FER: variants seen among roughly 807,000 people sequenced by gnomAD.
FER encodes FER tyrosine kinase, also known as tyrosine-protein kinase Fer.
Under a neutral mutation model 111.0 loss-of-function variants are expected in FER, and 63 were observed. The observed-to-expected ratio is 0.57, with a 90% CI of 0.46 to 0.70. The LOEUF is 0.70. Among genes scored for constraint, FER ranks in the 30% least tolerant of loss-of-function variants. The probability of loss-of-function intolerance (pLI) is 0.00; values close to 1 mark genes in which losing one functional copy is unlikely to be tolerated. For missense variants in FER, 914 were observed against 954.0 expected (o/e 0.96, Z 0.55); for synonymous variants, 327 against 313.9 (o/e 1.04, Z -0.44).
intron 9 of FER, among the ~76,000 whole-genome samples, chr5:108,888,675 G>T (rs913959914): frequency 2.0e-5 from 3 of 151,674 alleles, no homozygotes; most frequent in Non-Finnish European, 2.9e-5. Flanking sequence ...TTGCTCAATG[G>T]TATTATAAAC....
chr5:109,009,396 A>G (rs1288106233), intron 13 of FER, among the ~76,000 whole-genome samples: 1 of 152,008 alleles, frequency 6.6e-6, no homozygotes, highest in East Asian at 1.9e-4. Flanking sequence ...AGCATAATAT[A>G]TCTTACTTTG....
At chr5:108,982,045 T>C (rs556156559) in intron 13 of FER, among the ~76,000 whole-genome samples, 1 of 152,136 alleles carries the variant, frequency 6.6e-6, no homozygotes, top group Non-Finnish European at 1.5e-5. Flanking sequence ...AGACCAGAGG[T>C]TTTGAAAGCG....
At chr5:108,978,983 T>C (rs1030059520) in intron 13 of FER, among the ~76,000 whole-genome samples, 13 of 152,212 alleles carry the variant, frequency 8.5e-5, no homozygotes, top group Non-Finnish European at 2.9e-5. Flanking sequence ...AATTATTGTT[T>C]AATGATTCAG....
chr5:109,165,934 A>G (rs945690404), intron 17 of FER, among the ~76,000 whole-genome samples: 1 of 152,102 alleles, frequency 6.6e-6, no homozygotes, highest in Non-Finnish European at 1.5e-5. Flanking sequence ...TCCTCTGTCT[A>G]ATTGGAGTTA....
chr5:108,780,910 A>G (rs943841825), intron 2 of FER, among the ~76,000 whole-genome samples: 2 of 151,716 alleles, frequency 1.3e-5, no homozygotes, highest in African/African-American at 4.8e-5. Context: ...AGCTGTGTCC[A>G]GTCTACTAGA....
chr5:109,120,026 C>T (rs1561919267), intron 17 of FER, among the ~76,000 whole-genome samples: 3 of 152,014 alleles, frequency 2.0e-5, no homozygotes, highest in African/African-American at 7.2e-5. Context: ...TAGTTATTAA[C>T]CCCTTCTCAG....
At chr5:108,961,095 AG>A (rs1759087427) in intron 13 of FER, among the ~76,000 whole-genome samples, 1 of 151,958 alleles carries the variant, frequency 6.6e-6, no homozygotes, top group Non-Finnish European at 1.5e-5. Context: ...CTCTAAATAA[AG>A]TGTTTTGTAT....
In FER at chr5:109,119,902, T is replaced by G. The variant is rs376166897; in HGVS notation, c.2048+19383T>G. Among the ~76,000 whole-genome samples, 9 of 152,262 alleles carry G rather than the reference T, an allele frequency of 5.9e-5. No individual in the cohort carries two copies. The East Asian group carries it at 1.7e-3, about 29-fold the overall frequency. On this transcript the variant is annotated intron_variant, in intron 17 of 19. Coordinates refer to ENST00000281092, the MANE Select transcript of FER (RefSeq NM_005246.4). ...GTTGAGCACCTTTTCATATGCCTAT[T>G]TGCCATTTTTATGTCTTCTTTTGAG...
At chr5:108,942,991 T>C (rs1756480515) in intron 10 of FER, among the ~76,000 whole-genome samples, 2 of 152,302 alleles carry the variant, frequency 1.3e-5, no homozygotes, top group African/African-American at 4.8e-5. Flanking sequence ...CATTGTTCTG[T>C]CCAAGAATGT....
intron 13 of FER, among the ~76,000 whole-genome samples, chr5:109,000,431 G>A (rs4404726): frequency 1.1e-3 from 160 of 151,524 alleles, no homozygotes; most frequent in African/African-American, 3.7e-3. Flanking sequence ...AATATTTATC[G>A]CTAAAGATGT....
chr5:109,097,327 C>G (rs1747664337), intron 16 of FER, among the ~76,000 whole-genome samples: 1 of 151,756 alleles, frequency 6.6e-6, no homozygotes, highest in African/African-American at 2.4e-5. Flanking sequence ...AGGAAATAAC[C>G]TATCCCATTT....
chr5:109,151,105 C>T (rs549744900), intron 17 of FER, among the ~76,000 whole-genome samples: 145 of 152,142 alleles, frequency 9.5e-4, no homozygotes, highest in South Asian at 6.6e-3. Flanking sequence ...TGTTGTAATT[C>T]GCTGAATGAT....
intron 16 of FER, among the ~76,000 whole-genome samples, chr5:109,074,612 C>A (rs935752922): frequency 9.9e-5 from 15 of 152,198 alleles, no homozygotes; most frequent in Admixed American, 2.0e-4. Context: ...TTACAGCTAT[C>A]TCTTGGAGCA....
chr5:109,066,045 T>C (rs550763923), intron 16 of FER, among the ~76,000 whole-genome samples: 1 of 152,208 alleles, frequency 6.6e-6, no homozygotes, highest in Non-Finnish European at 1.5e-5. Flanking sequence ...TTCTATAGCG[T>C]CTTTAACTTT....
intron 11 of FER, among the ~76,000 whole-genome samples, chr5:108,953,835 T>G (rs1053706157): frequency 1.3e-5 from 2 of 152,066 alleles, no homozygotes; most frequent in African/African-American, 4.8e-5. Flanking sequence ...TTACTGTACC[T>G]TAACCGCAAA....
chr5:109,012,248 A>G (rs58834152), intron 13 of FER, among the ~76,000 whole-genome samples: 9,106 of 152,270 alleles, frequency 0.06, 646 homozygotes, highest in African/African-American at 0.17. Flanking sequence ...TCATGATTAC[A>G]CTAAGATAAT....
chr5:108,789,554 A>G (rs1223511861), intron 2 of FER, among the ~76,000 whole-genome samples: 6 of 152,252 alleles, frequency 3.9e-5, no homozygotes, highest in East Asian at 1.9e-4. Flanking sequence ...AATAACAACA[A>G]CAAAAACCCA....
At position 108,776,589 on chromosome 5, in the gene FER, C is replaced by T. The variant is rs372875207; in HGVS notation, c.-60+8351C>T. ...AGAAATACTGTGGGAATCCGATTAT[C>T]CTTCCAAGGAAACTAGTTATCTGTT... On this transcript the variant is annotated intron_variant, in intron 2 of 19. Coordinates refer to ENST00000281092, the MANE Select transcript of FER (RefSeq NM_005246.4). Among the ~76,000 whole-genome samples the T allele has an allele frequency of 4.6e-5, 7 of 152,200 alleles. No homozygotes were observed. The East Asian group carries it at 9.6e-4, about 21-fold the overall frequency.
intron 10 of FER, among the ~76,000 whole-genome samples, chr5:108,925,149 C>A (rs1330050506): frequency 1.3e-5 from 2 of 150,478 alleles, no homozygotes; most frequent in African/African-American, 4.9e-5. Context: ...AGATTTTAAA[C>A]TGAGCCATGT....
Sources: allele counts gnomAD v4.1 joint callset (sites outside exome capture counted in the v4.1 genomes callset), GRCh38; gene constraint gnomAD v4.1.1; transcripts MANE v1.5; gene names NCBI Gene and HGNC (gene_info 2026-07-23, HGNC 2026-07-21).